SRFBP1: variants seen among roughly 807,000 people sequenced by gnomAD.
The protein encoded by SRFBP1 is serum response factor binding protein 1, also known as serum response factor-binding protein 1.
In SRFBP1, 47 loss-of-function variants were observed where a neutral mutation model predicts 45.5. The ratio of observed to expected loss-of-function variants is 1.03; its 90% CI spans 0.82 to 1.32. The LOEUF (loss-of-function observed/expected upper bound fraction) is 1.32, where lower values mean the gene tolerates loss of function less well. SRFBP1 is among the 40% of genes most tolerant of loss of function. The probability of loss-of-function intolerance (pLI) is 0.00; values close to 1 mark genes in which losing one functional copy is unlikely to be tolerated. For synonymous variants in SRFBP1, 203 were observed against 166.3 expected, an observed-to-expected ratio of 1.22 and a Z score of -1.70; for missense variants, 621 against 484.6, an observed-to-expected ratio of 1.28 and a Z score of -2.64.
intron 4 of SRFBP1, among the ~76,000 whole-genome samples, chr5:121,995,685 A>G (rs1326251824): frequency 6.6e-6 from 1 of 152,134 alleles, no homozygotes; most frequent in Admixed American, 6.6e-5. Flanking sequence ...AAGGAAATAG[A>G]GACACAAAAA....
chr5:121,989,751 A>G (rs984644085), intron 3 of SRFBP1, among the ~76,000 whole-genome samples: 4 of 152,192 alleles, frequency 2.6e-5, no homozygotes, highest in Non-Finnish European at 2.9e-5. Context: ...ATAAATCTGT[A>G]TATTTCAGTG....
At chr5:121,989,531 G>T (rs1011185019) in intron 3 of SRFBP1, among the ~76,000 whole-genome samples, 1 of 152,206 alleles carries the variant, frequency 6.6e-6, no homozygotes, top group African/African-American at 2.4e-5. Context: ...TAAGTGTGGT[G>T]CATGCGGGAC....
rs1446821722 is a variant in SRFBP1, at chr5:122,028,600, G to A, written c.*1474G>A. On this transcript the variant is annotated 3_prime_UTR_variant, in exon 8 of 8. Transcript: ENST00000339397. ...CCAGCCTGGGTGACAGAGTATGACTGTCTCAAAAAAAAAAAAAAATTTGAT... is the reference window on the plus strand; with the variant it reads ...CCAGCCTGGGTGACAGAGTATGACTATCTCAAAAAAAAAAAAAAATTTGAT... 1.4e-5 allele frequency: 2 copies of A among 147,444 alleles called. No homozygotes were observed. Among genetic ancestry groups the A allele is most frequent in the African/African-American group, 2.5e-5 (1 of 39,330 alleles). The allele number at this position is 147,444 out of a possible 1,614,324, so 9.1% of individuals were successfully genotyped here. A position where few individuals can be genotyped will look rare whatever the true frequency, so the allele number is the denominator to read the frequency against.
chr5:122,046,546 C>T (rs1459011911), intron 2 of SRFBP1, among the ~76,000 whole-genome samples: 1 of 152,094 alleles, frequency 6.6e-6, no homozygotes, highest in Non-Finnish European at 1.5e-5. Context: ...ATTTATAATC[C>T]TTTGGGTATA....
chr5:122,030,145 C>CA (rs1362109236), downstream of SRFBP1, among the ~76,000 whole-genome samples: 1 of 151,998 alleles, frequency 6.6e-6, no homozygotes, highest in Non-Finnish European at 1.5e-5. Context: ...TAAGAACATC[C>CA]AAAAAATGTT....
intron 2 of SRFBP1, among the ~76,000 whole-genome samples, chr5:122,073,037 A>G (rs2152588947): frequency 6.6e-6 from 1 of 152,280 alleles, no homozygotes; most frequent in South Asian, 2.1e-4. Flanking sequence ...TCCCCCTCCA[A>G]TTGCTATGAT....
intron 2 of SRFBP1, among the ~76,000 whole-genome samples, chr5:122,061,534 C>T (rs1050107035): frequency 2.0e-5 from 3 of 151,812 alleles, no homozygotes; most frequent in Admixed American, 6.6e-5. Context: ...TTTTCTCTGC[C>T]CACAATGGGA....
intron 1 of SRFBP1, among the ~76,000 whole-genome samples, chr5:121,971,400 A>G (rs879294465): frequency 6.6e-6 from 1 of 151,988 alleles, no homozygotes. Context: ...CTTTAGGTGT[A>G]TAACTAAAAG....
chr5:122,022,514 A>T, intron 7 of SRFBP1, 107 bp downstream of exon 7: 1 of 891,920 alleles, frequency 1.1e-6, no homozygotes, highest in South Asian at 2.0e-5. Flanking sequence ...TGAATTATGT[A>T]CCCACAGAAA....
At chr5:122,062,629 A>C (rs1754191070) in intron 2 of SRFBP1, among the ~76,000 whole-genome samples, 1 of 152,004 alleles carries the variant, frequency 6.6e-6, no homozygotes. Context: ...CTACAACTCA[A>C]ATCTGCAAAT....
chr5:121,974,319 A>T lies in SRFBP1; in HGVS notation c.125+35A>T, dbSNP rs751777156. The stretch of plus-strand genomic sequence containing the variant: ...TTAAAGTAATGATCTTGTGACTAAT[A>T]AAATGTCAAAAGTTGTTTTTATTTG... On this transcript the variant is annotated intron_variant, in intron 2 of 7. Coordinates refer to ENST00000339397, the MANE Select transcript of SRFBP1 (RefSeq NM_152546.3). 7.6e-6 allele frequency: 11 copies of T among 1,453,542 alleles called. No homozygotes were observed. In the South Asian group the frequency reaches 1.3e-4, roughly 17 times the overall value. The allele number at this position is 1,453,542 out of a possible 1,614,324, so 90.0% of individuals were successfully genotyped here.
At chr5:122,074,611 T>C (rs1267326715) in intron 2 of SRFBP1, among the ~76,000 whole-genome samples, 1 of 152,222 alleles carries the variant, frequency 6.6e-6, no homozygotes, top group African/African-American at 2.4e-5. Flanking sequence ...TTAAAATCAT[T>C]AGTGAAAAGC....
intron 1 of SRFBP1, among the ~76,000 whole-genome samples, chr5:121,973,945 T>C (rs997953553): frequency 1.3e-5 from 2 of 151,832 alleles, no homozygotes; most frequent in East Asian, 1.9e-4. Context: ...AAAATACTTA[T>C]CTCGGGTAAT....
At chr5:121,964,081 A>G (rs1752009248) in intron 1 of SRFBP1, among the ~76,000 whole-genome samples, 2 of 152,332 alleles carry the variant, frequency 1.3e-5, no homozygotes, top group South Asian at 4.1e-4. Context: ...TATCTGAAAA[A>G]TAATTTGAAT....
chr5:121,991,262 T>C (rs1175908318), intron 3 of SRFBP1, among the ~76,000 whole-genome samples: 1 of 152,134 alleles, frequency 6.6e-6, no homozygotes, highest in Non-Finnish European at 1.5e-5. Flanking sequence ...AAAACATAAG[T>C]AAATTTTGTG....
downstream of SRFBP1, chr5:122,075,571 T>A (rs367861256): frequency 1.8e-4 from 269 of 1,459,826 alleles, no homozygotes; most frequent in Non-Finnish European, 2.1e-4. Context: ...AAAATTATTA[T>A]ATTCATGGAA....
intron 2 of SRFBP1, among the ~76,000 whole-genome samples, chr5:122,074,425 T>G (rs575899753): frequency 4.6e-5 from 7 of 152,206 alleles, no homozygotes; most frequent in Non-Finnish European, 8.8e-5. Context: ...GTACCCCATT[T>G]TGTCTTTGAA....
At chr5:122,037,375 G>A (rs1052860098) in intron 2 of SRFBP1, among the ~76,000 whole-genome samples, 1 of 152,134 alleles carries the variant, frequency 6.6e-6, no homozygotes, top group Non-Finnish European at 1.5e-5. Context: ...TAAAATTGTC[G>A]CAGGCTAACT....
intron 2 of SRFBP1, chr5:122,073,933 T>C (rs1754532286): frequency 1.6e-6 from 2 of 1,290,278 alleles, no homozygotes; most frequent in South Asian, 2.6e-5. Flanking sequence ...CTTCATGAAA[T>C]GCTATTTAAT....
Sources: gnomAD v4.1 joint callset for allele counts (sites outside exome capture counted in the v4.1 genomes callset) on GRCh38, gnomAD v4.1.1 for gene constraint, MANE v1.5 for transcripts, NCBI Gene and HGNC (gene_info 2026-07-23, HGNC 2026-07-21) for gene names.